ARFGEF2: variants seen among roughly 807,000 people sequenced by gnomAD.
ARFGEF2 encodes ARF guanine nucleotide exchange factor 2.
Under a neutral mutation model 219.9 loss-of-function variants are expected in ARFGEF2, and 74 were observed. The observed-to-expected ratio is 0.34, with a 90% confidence interval of 0.28 to 0.41. The LOEUF is 0.41. ARFGEF2 is among the 10% of genes least tolerant of loss of function. ARFGEF2 has a pLI of 1.00. For synonymous variants in ARFGEF2, 733 were observed against 799.2 expected (o/e 0.92, Z 1.40); for missense variants, 1,743 against 2,218.3 (o/e 0.79, Z 4.30).
At chr20:49,011,457 C>T (rs1409975461) in intron 27 of ARFGEF2, among the ~76,000 whole-genome samples, 1 of 152,180 alleles carries the variant, frequency 6.6e-6, no homozygotes, top group African/African-American at 2.4e-5. Flanking sequence ...AATACAACAA[C>T]TTGCCTGAGG....
chr20:49,032,069 C>T lies in ARFGEF2; in HGVS notation c.5084C>T (p.Ala1695Val), dbSNP rs763355473. The stretch of plus-strand genomic sequence containing the variant: ...TCTAGTGTTTGCAGTGAAGCTCTTG[C>T]CTATTTCATCACTGTGAATTCTGAG... ...RLLTVCSEAL[A>V]YFITVNSESH... Residue 1695 changes from alanine to valine, a missense_variant, in exon 38 of 39, where the codon GCC (alanine) becomes GTC (valine). Transcript: ENST00000371917. 4.3e-6 allele frequency: 7 copies of T among 1,613,698 alleles called. No homozygotes were observed. The highest frequency in any genetic ancestry group is 5.1e-6 in the Non-Finnish European group (6 of 1,179,764).
At chr20:48,984,239 A>T (rs2091313244) in intron 14 of ARFGEF2, among the ~76,000 whole-genome samples, 1 of 152,146 alleles carries the variant, frequency 6.6e-6, no homozygotes, top group Non-Finnish European at 1.5e-5. Flanking sequence ...ATGGTATAAG[A>T]TGACTGCTGG....
In ARFGEF2 at chr20:49,012,082, C is replaced by T. The variant is rs371146257; in HGVS notation, c.3916C>T (p.Arg1306Trp). 3.1e-6 allele frequency: 5 copies of T among 1,614,034 alleles called. No homozygotes were observed. Among genetic ancestry groups the T allele is most frequent in the South Asian group, 1.1e-5 (1 of 91,082 alleles). Residue 1306 changes from arginine to tryptophan, a missense_variant and splice_region_variant, in exon 28 of 39, where the codon CGG becomes TGG. Arg to Trp is a moderately radical substitution (Grantham distance 101). Coordinates refer to ENST00000371917, the MANE Select transcript of ARFGEF2 (RefSeq NM_006420.3). ...TGGCAAATACGTCTCTGAGAGGCCTCGGGTTCGTTTTTCCCCACCTTACTC... is the reference window on the plus strand; with the variant it reads ...TGGCAAATACGTCTCTGAGAGGCCTTGGGTTCGTTTTTCCCCACCTTACTC... The part of the protein sequence containing the change: ...FCGKYVSERP[R>W]VLQEYTSDDM...
intron 3 of ARFGEF2, among the ~76,000 whole-genome samples, chr20:48,945,040 A>G (rs2079681573): frequency 6.6e-6 from 1 of 152,172 alleles, no homozygotes; most frequent in African/African-American, 2.4e-5. Flanking sequence ...TTCTGGCTGC[A>G]GACAGCTGTG....
At chr20:48,934,586 T>C (rs920673137) in intron 1 of ARFGEF2, among the ~76,000 whole-genome samples, 1 of 152,346 alleles carries the variant, frequency 6.6e-6, no homozygotes, top group East Asian at 1.9e-4. Context: ...CTCCCACTTA[T>C]GAGTGAGAAC....
chr20:48,974,989 A>G, intron 13 of ARFGEF2, 115 bp downstream of exon 13: 3 of 841,520 alleles, frequency 3.6e-6, no homozygotes, highest in East Asian at 2.7e-5. Context: ...TTAGTTTGCT[A>G]AATACCTATA....
At chr20:48,943,031 G>A (rs909382982) in intron 3 of ARFGEF2, among the ~76,000 whole-genome samples, 2 of 152,178 alleles carry the variant, frequency 1.3e-5, no homozygotes, top group African/African-American at 4.8e-5. Context: ...CCTTCTTGCT[G>A]TTAGGAACAC....
intron 25 of ARFGEF2, among the ~76,000 whole-genome samples, chr20:49,003,247 T>C (rs1284608903): frequency 1.3e-5 from 2 of 150,410 alleles, no homozygotes; most frequent in African/African-American, 2.4e-5. Flanking sequence ...GGATTACAAG[T>C]GTGAGCCACC....
chr20:48,995,923 G>C (rs540643517), intron 23 of ARFGEF2, 41 bp downstream of exon 23: 1 of 1,564,454 alleles, frequency 6.4e-7, no homozygotes, highest in African/African-American at 1.4e-5. Context: ...CTACACAGTG[G>C]TTTGGTGGCC....
Position 48,921,918 on chromosome 20 carries a change from T to C in ARFGEF2, c.29T>C (p.Phe10Ser), listed in dbSNP as rs1466186964. The C allele has an allele frequency of 1.3e-6, 2 of 1,553,608 alleles. No individual in the cohort carries two copies. The highest frequency in any genetic ancestry group is 1.7e-6 in the Non-Finnish European group (2 of 1,148,234). ...CAGGAGAGCCAGACCAAGAGCATGT[T>C]CGTGTCCCGGGCCCTGGAGAAGATC... is the stretch of plus-strand genomic sequence containing the variant. Reference protein sequence around the residue: MQESQTKSMFVSRALEKILA... With the variant: MQESQTKSMSVSRALEKILA... Residue 10 changes from phenylalanine (F) to serine (S), a missense_variant, in exon 1 of 39, where the codon TTC becomes TCC. Physicochemically the swap from Phe to Ser is radical, Grantham distance 155. Transcript: ENST00000371917.
chr20:48,941,340 GCA>G, intron 2 of ARFGEF2, 111 bp downstream of exon 2: 1 of 1,148,140 alleles, frequency 8.7e-7, no homozygotes, highest in Non-Finnish European at 1.3e-6. Context: ...CTCAGGGGTG[GCA>G]CACACTCTGC....
intron 36 of ARFGEF2, among the ~76,000 whole-genome samples, chr20:49,027,733 G>A (rs1376382625): frequency 6.9e-6 from 1 of 143,934 alleles, no homozygotes; most frequent in Non-Finnish European, 1.5e-5. Context: ...ACAGTACAGG[G>A]CATTGAAAAA....
intron 33 of ARFGEF2, among the ~76,000 whole-genome samples, chr20:49,018,264 C>G (rs893513219): frequency 6.6e-6 from 1 of 152,116 alleles, no homozygotes; most frequent in Non-Finnish European, 1.5e-5. Flanking sequence ...GACAGAGTCT[C>G]GCTCTGTCCC....
At chr20:48,942,928 C>G (rs1298542438) in intron 3 of ARFGEF2, among the ~76,000 whole-genome samples, 1 of 152,142 alleles carries the variant, frequency 6.6e-6, no homozygotes, top group Non-Finnish European at 1.5e-5. Context: ...ATTGTTGATG[C>G]ATTAACATTG....
intron 21 of ARFGEF2, among the ~76,000 whole-genome samples, chr20:48,993,329 T>A (rs764918538): frequency 2.6e-5 from 4 of 152,242 alleles, no homozygotes; most frequent in Non-Finnish European, 5.9e-5. Context: ...ATTGGTGACG[T>A]ACTTGAGATT....
At position 48,998,973 on chromosome 20, in the gene ARFGEF2, C is replaced by T. The variant is rs534967002; in HGVS notation, c.3432+468C>T. ...AATATTTGGGCCGGGCGTAGTGGCT[C>T]ACGCCTGTAATCCCAGCACTTCGAG... On this transcript the variant is annotated intron_variant, in intron 25 of 38. Transcript: ENST00000371917. Among the ~76,000 whole-genome samples, 507 of 152,354 alleles carry T rather than the reference C, an allele frequency of 3.3e-3. 3 individuals carry two copies. Among genetic ancestry groups the T allele is most frequent in the Non-Finnish European group, 6.3e-3 (431 of 68,042 alleles).
chr20:48,982,456 G>A (rs1010351598), intron 14 of ARFGEF2, among the ~76,000 whole-genome samples: 1 of 152,212 alleles, frequency 6.6e-6, no homozygotes, highest in South Asian at 2.1e-4. Flanking sequence ...GCTACATGGG[G>A]GTCAGGGTCC....
At chr20:49,015,779 A>G (rs981042799) in intron 30 of ARFGEF2, among the ~76,000 whole-genome samples, 2 of 152,202 alleles carry the variant, frequency 1.3e-5, no homozygotes, top group Non-Finnish European at 2.9e-5. Context: ...ACTGTATCAC[A>G]TTGAAAAAGT....
intron 3 of ARFGEF2, among the ~76,000 whole-genome samples, chr20:48,950,807 AAAAAATATATATATATAT>A (rs1474887053): frequency 6.5e-4 from 29 of 44,810 alleles, no homozygotes; most frequent in African/African-American, 2.4e-3. Context: ...AAAAAAAAAA[AAAAAATATATATATATAT>A]ATATATATAT....
Sources: gnomAD v4.1 joint callset for allele counts (sites outside exome capture counted in the v4.1 genomes callset) on GRCh38, gnomAD v4.1.1 for gene constraint, MANE v1.5 for transcripts, NCBI Gene and HGNC (gene_info 2026-07-23, HGNC 2026-07-21) for gene names.